RBFOX1: variants seen among roughly 807,000 people sequenced by gnomAD.
RBFOX1 encodes RNA binding fox-1 homolog 1.
RBFOX1 carries 8 observed loss-of-function variants against 57.7 expected under a neutral mutation model. The observed-to-expected ratio is 0.14, with a 90% CI of 0.08 to 0.25. The LOEUF is 0.25. RBFOX1 is among the 10% of genes least tolerant of loss of function. The pLI, the probability that RBFOX1 is intolerant of heterozygous loss-of-function variation, is 1.00. For synonymous variants in RBFOX1, 326 were observed against 222.4 expected, an observed-to-expected ratio of 1.47 and a Z score of -4.15; for missense variants, 611 against 548.5, an observed-to-expected ratio of 1.11 and a Z score of -1.14.
chr16:6,527,165 A>AG (rs1263109332), intron 2 of RBFOX1, among the ~76,000 whole-genome samples: 1 of 152,348 alleles, frequency 6.6e-6, no homozygotes, highest in Non-Finnish European at 1.5e-5. Context: ...AAATATAAAA[A>AG]GGGATATAGG....
intron 3 of RBFOX1, among the ~76,000 whole-genome samples, chr16:5,711,242 T>A (rs903692464): frequency 1.3e-5 from 2 of 152,364 alleles, no homozygotes; most frequent in East Asian, 1.9e-4. Flanking sequence ...ATCTGCAGAA[T>A]AACCCTGTAT....
chr16:7,591,009 G>A (rs905395435), intron 7 of RBFOX1, among the ~76,000 whole-genome samples: 2 of 152,146 alleles, frequency 1.3e-5, no homozygotes, highest in African/African-American at 4.8e-5. Flanking sequence ...CAGGAGAGAT[G>A]GACTAGGAAG....
intron 4 of RBFOX1, among the ~76,000 whole-genome samples, chr16:6,010,585 G>A (rs1370401133): frequency 6.6e-6 from 1 of 152,176 alleles, no homozygotes. Flanking sequence ...ACTTCTGGAG[G>A]AAGCAAACGG....
chr16:5,510,326 C>G (rs751626601), intron 2 of RBFOX1, among the ~76,000 whole-genome samples: 2 of 152,162 alleles, frequency 1.3e-5, no homozygotes, highest in African/African-American at 4.8e-5. Flanking sequence ...GGGCCGCTCT[C>G]CCTCTGACTG....
At chr16:5,571,347 A>T (rs946024267) in intron 2 of RBFOX1, among the ~76,000 whole-genome samples, 1 of 149,846 alleles carries the variant, frequency 6.7e-6, no homozygotes, top group East Asian at 2.0e-4. Context: ...CAGCCTCCCA[A>T]GTAGCTGGGA....
intron 4 of RBFOX1, among the ~76,000 whole-genome samples, chr16:7,303,698 C>T (rs2096089173): frequency 6.6e-6 from 1 of 152,084 alleles, no homozygotes; most frequent in African/African-American, 2.4e-5. Flanking sequence ...GAGTGAGCTT[C>T]AGTGTGAGTC....
chr16:7,036,676 G>A (rs974014925), intron 3 of RBFOX1, among the ~76,000 whole-genome samples: 2 of 150,080 alleles, frequency 1.3e-5, no homozygotes, highest in Non-Finnish European at 3.0e-5. Flanking sequence ...CTCGTCGAAA[G>A]AGCAAAACTC....
intron 1 of RBFOX1, among the ~76,000 whole-genome samples, chr16:6,153,616 A>T (rs1270213825): frequency 6.6e-6 from 1 of 151,988 alleles, no homozygotes. Flanking sequence ...GCTCACTGCA[A>T]CCTCTGCCTC....
intron 1 of RBFOX1, chr16:5,270,934 C>G (rs2062988671): frequency 7.7e-6 from 3 of 389,030 alleles, no homozygotes; most frequent in Admixed American, 3.4e-5. Context: ...GTATGAACCA[C>G]TAGTCCAAGA....
At chr16:7,688,954 A>T (rs1284830717) in intron 14 of RBFOX1, among the ~76,000 whole-genome samples, 1 of 152,042 alleles carries the variant, frequency 6.6e-6, no homozygotes, top group African/African-American at 2.4e-5. Flanking sequence ...GAATGTTCCA[A>T]GCAGAACCTT....
At chr16:7,352,003 T>C (rs1006125042) in intron 4 of RBFOX1, among the ~76,000 whole-genome samples, 8 of 152,176 alleles carry the variant, frequency 5.3e-5, no homozygotes, top group African/African-American at 1.9e-4. Flanking sequence ...TGCAGAGTGA[T>C]TCGTGGGCTC....
At chr16:6,443,452 C>G (rs923210694) in intron 2 of RBFOX1, among the ~76,000 whole-genome samples, 1 of 152,164 alleles carries the variant, frequency 6.6e-6, no homozygotes. Context: ...GTTTTGATTT[C>G]TCCTTGTGAA....
At chr16:6,935,445 T>G (rs1019410276) in intron 3 of RBFOX1, among the ~76,000 whole-genome samples, 13 of 152,330 alleles carry the variant, frequency 8.5e-5, no homozygotes, top group Non-Finnish European at 1.6e-4. Context: ...TCTCTTCTTG[T>G]CAATTTTCTT....
intron 7 of RBFOX1, among the ~76,000 whole-genome samples, chr16:7,594,179 A>G (rs192593564): frequency 1.5e-4 from 23 of 151,830 alleles, no homozygotes; most frequent in Admixed American, 1.3e-3. Context: ...CCTGTGGTCA[A>G]TACCTCTTTA....
intron 3 of RBFOX1, among the ~76,000 whole-genome samples, chr16:5,788,793 C>G (rs1054721988): frequency 1.3e-5 from 2 of 152,066 alleles, no homozygotes; most frequent in African/African-American, 4.8e-5. Context: ...GTGACAGGCA[C>G]ATGCTTTTCT....
At chr16:6,401,994 C>G (rs534947191) in intron 2 of RBFOX1, among the ~76,000 whole-genome samples, 1 of 151,538 alleles carries the variant, frequency 6.6e-6, no homozygotes, top group African/African-American at 2.4e-5. Flanking sequence ...GACCAGCTAA[C>G]TGTCGAAACG....
At chr16:6,941,559 G>A (rs1319537326) in intron 3 of RBFOX1, among the ~76,000 whole-genome samples, 2 of 151,942 alleles carry the variant, frequency 1.3e-5, no homozygotes, top group African/African-American at 4.8e-5. Flanking sequence ...TGTCCACCAA[G>A]AGACTTGAAA....
chr16:6,954,637 A>G (rs2081394747), intron 3 of RBFOX1, among the ~76,000 whole-genome samples: 1 of 151,994 alleles, frequency 6.6e-6, no homozygotes, highest in Non-Finnish European at 1.5e-5. Context: ...AAGAGGCATG[A>G]TTTTTCTAGG....
chr16:6,378,496 G>A (rs545995678), intron 2 of RBFOX1, among the ~76,000 whole-genome samples: 1 of 152,324 alleles, frequency 6.6e-6, no homozygotes, highest in Admixed American at 6.5e-5. Flanking sequence ...CATCTTGTTA[G>A]GGCAAGAGAG....
Sources: allele counts gnomAD v4.1 joint callset (sites outside exome capture counted in the v4.1 genomes callset), GRCh38; gene constraint gnomAD v4.1.1; transcripts MANE v1.5; gene names NCBI Gene and HGNC (gene_info 2026-07-23, HGNC 2026-07-21).